Variants in SLC3A1 observed in about 807,000 individuals in gnomAD.
The protein encoded by SLC3A1 is amino acid transporter heavy chain SLC3A1.
A neutral mutation model predicts 60.3 loss-of-function variants in SLC3A1; 78 were observed. The observed-to-expected ratio is 1.29, with a 90% confidence interval of 1.08 to 1.56. SLC3A1 has a LOEUF of 1.56. SLC3A1 is among the 40% of genes most tolerant of loss of function. The pLI, the probability that SLC3A1 is intolerant of heterozygous loss-of-function variation, is 0.00. For synonymous variants in SLC3A1, 392 were observed against 307.9 expected (o/e 1.27, Z -2.86); for missense variants, 1,172 against 858.9 (o/e 1.36, Z -4.56).
intron 9 of SLC3A1, chr2:44,314,710 A>G (rs1042009184): frequency 2.6e-5 from 4 of 152,668 alleles, no homozygotes; most frequent in African/African-American, 9.7e-5. Flanking sequence ...TCCCTGCTAC[A>G]AGCACCACTG....
intron 6 of SLC3A1, among the ~76,000 whole-genome samples, chr2:44,303,069 C>T (rs1040606958): frequency 6.6e-6 from 1 of 151,350 alleles, no homozygotes; most frequent in Non-Finnish European, 1.5e-5. Context: ...GGCGTGGTGG[C>T]GGGTGCCTGT....
intron 6 of SLC3A1, among the ~76,000 whole-genome samples, chr2:44,303,204 G>C (rs1672061376): frequency 6.8e-6 from 1 of 147,812 alleles, no homozygotes; most frequent in African/African-American, 2.5e-5. Context: ...TCTGTCTCAA[G>C]AAACAATAAC....
At chr2:44,290,314 A>G (rs999303814) in intron 4 of SLC3A1, among the ~76,000 whole-genome samples, 7 of 152,172 alleles carry the variant, frequency 4.6e-5, no homozygotes, top group Non-Finnish European at 1.0e-4. Flanking sequence ...TCAGTACCAC[A>G]CACTGTCTGA....
At chr2:44,285,806 A>G in intron 3 of SLC3A1, 1 of 673,656 alleles carries the variant, frequency 1.5e-6, no homozygotes, top group South Asian at 1.5e-5. Flanking sequence ...TGCAGTTGTT[A>G]CAAACAGCAT....
chr2:44,282,750 TGG>T (rs1671529186), intron 3 of SLC3A1, among the ~76,000 whole-genome samples: 1 of 152,116 alleles, frequency 6.6e-6, no homozygotes, highest in East Asian at 1.9e-4. Flanking sequence ...CTTTGCCTCC[TGG>T]GCTCAAGCAA....
chr2:44,312,909 G>T (rs1672335493), intron 8 of SLC3A1, 156 bp downstream of exon 8: 2 of 650,938 alleles, frequency 3.1e-6, no homozygotes, highest in Admixed American at 2.6e-5. Flanking sequence ...AGAATTCTCA[G>T]CTTTCTTGGT....
chr2:44,295,369 C>T (rs1278476211), intron 4 of SLC3A1, among the ~76,000 whole-genome samples: 1 of 152,214 alleles, frequency 6.6e-6, no homozygotes, highest in East Asian at 1.9e-4. Context: ...ACATGGGTCA[C>T]TAGACCTAGC....
intron 3 of SLC3A1, among the ~76,000 whole-genome samples, chr2:44,282,353 C>T (rs1340663193): frequency 1.3e-5 from 2 of 152,154 alleles, no homozygotes; most frequent in African/African-American, 2.4e-5. Flanking sequence ...TAATTTCAAC[C>T]GATCAACTTT....
chr2:44,303,999 T>C (rs566300487), intron 6 of SLC3A1, 144 bp from the exon 7 acceptor site: 3 of 735,572 alleles, frequency 4.1e-6, no homozygotes, highest in South Asian at 1.4e-5. Flanking sequence ...AGCTTGATTA[T>C]GCTTTCTAGA....
At position 44,275,928 on chromosome 2, in the gene SLC3A1, C is replaced by A. The variant is rs1318460407; in HGVS notation, c.393C>A (p.Phe131Leu). The change falls in exon 1 of 10, where the codon TTC (phenylalanine) becomes TTA (leucine). Residue 131 changes from phenylalanine to leucine, a missense_variant. Coordinates refer to ENST00000260649, the MANE Select transcript of SLC3A1 (RefSeq NM_000341.4). ...GPMYQIYPRSFKDSNKDGNGD... is the reference protein window; with the variant it reads ...GPMYQIYPRSLKDSNKDGNGD... ...TGTACCAGATCTACCCAAGGTCTTT[C>A]AAGGACAGTAACAAGGATGGGAACG... 2 of 1,614,220 alleles carry A rather than the reference C, an allele frequency of 1.2e-6. No individual in the cohort carries two copies. The highest frequency in any genetic ancestry group is 1.7e-5 in the Admixed American group (1 of 60,022).
rs762715050 is a variant in SLC3A1 at position 44,304,222 on chromosome 2, G to A, written c.1216G>A (p.Asp406Asn). 2 of 1,614,080 alleles carry A rather than the reference G, an allele frequency of 1.2e-6. No individual in the cohort carries two copies. The highest frequency in any genetic ancestry group is 8.5e-7 in the Non-Finnish European group (1 of 1,179,950). ...TGGATTGCCATTTATCCAAGAAGCT[G>A]ATTTTCCCTTCAACAATTACCTCAG... Reference protein sequence around the residue: ...YYGLPFIQEADFPFNNYLSML... With the variant: ...YYGLPFIQEANFPFNNYLSML... The change falls in exon 7 of 10, where the codon GAT becomes AAT. Residue 406 changes from aspartate (D) to asparagine (N), a missense_variant. Asp to Asn is a conservative substitution (Grantham distance 23, BLOSUM62 1). Coordinates refer to ENST00000260649, the MANE Select transcript of SLC3A1 (RefSeq NM_000341.4).
At chr2:44,294,565 T>C (rs1235824039) in intron 4 of SLC3A1, among the ~76,000 whole-genome samples, 1 of 151,686 alleles carries the variant, frequency 6.6e-6, no homozygotes. Flanking sequence ...ATTTACTCCA[T>C]ACAGAAACCC....
chr2:44,309,041 ATTT>A (rs930672458), intron 7 of SLC3A1, among the ~76,000 whole-genome samples: 9 of 152,246 alleles, frequency 5.9e-5, no homozygotes, highest in Middle Eastern at 3.4e-3. Flanking sequence ...CTTCTGAGGA[ATTT>A]TTTGTTTTAA....
intron 9 of SLC3A1, among the ~76,000 whole-genome samples, chr2:44,316,653 A>G (rs1672470073): frequency 6.6e-6 from 1 of 152,238 alleles, no homozygotes; most frequent in Non-Finnish European, 1.5e-5. Context: ...AACTACTCAG[A>G]AAGAAACCAA....
At chr2:44,297,341 C>T (rs1184392785) in intron 4 of SLC3A1, among the ~76,000 whole-genome samples, 1 of 152,144 alleles carries the variant, frequency 6.6e-6, no homozygotes, top group Non-Finnish European at 1.5e-5. Flanking sequence ...CTCAGGACCT[C>T]TGCTTTTCAC....
At chr2:44,307,616 T>C (rs1672190241) in intron 7 of SLC3A1, among the ~76,000 whole-genome samples, 1 of 152,050 alleles carries the variant, frequency 6.6e-6, no homozygotes, top group African/African-American at 2.4e-5. Flanking sequence ...TTGAGGGTAT[T>C]TTCATGTGCT....
downstream of SLC3A1, chr2:44,321,812 G>T (rs376714746): frequency 2.4e-5 from 38 of 1,613,812 alleles, no homozygotes; most frequent in Non-Finnish European, 3.2e-5. Flanking sequence ...CACTGAGAGG[G>T]CCTTGATAAC....
At chr2:44,322,381 G>A (rs1673062101), downstream of SLC3A1, among the ~76,000 whole-genome samples, 1 of 152,156 alleles carries the variant, frequency 6.6e-6, no homozygotes, top group East Asian at 1.9e-4. Context: ...AAAAATCTCA[G>A]AATCTGTCTT....
At chr2:44,298,528 G>A (rs1290881040) in intron 4 of SLC3A1, among the ~76,000 whole-genome samples, 1 of 152,086 alleles carries the variant, frequency 6.6e-6, no homozygotes, top group African/African-American at 2.4e-5. Context: ...CAGGTGCATG[G>A]CTCCATGCCC....
Sources: gnomAD v4.1 joint callset for allele counts (sites outside exome capture counted in the v4.1 genomes callset) on GRCh38, gnomAD v4.1.1 for gene constraint, MANE v1.5 for transcripts, NCBI Gene and HGNC (gene_info 2026-07-23, HGNC 2026-07-21) for gene names.